The following MAGI2 variants were observed in gnomAD, a reference collection of about 807,000 sequenced individuals.
MAGI2 encodes membrane-associated guanylate kinase, WW and PDZ domain-containing protein 2.
In MAGI2, 35 loss-of-function variants were observed where a neutral mutation model predicts 133.3. The observed-to-expected ratio is 0.26, with a 90% CI of 0.20 to 0.35. The LOEUF is 0.35. Ranked by LOEUF, MAGI2 falls within the 10% of genes least tolerant of loss-of-function variation. The probability of loss-of-function intolerance (pLI) is 1.00; values close to 1 mark genes in which losing one functional copy is unlikely to be tolerated. For synonymous variants in MAGI2, 729 were observed against 710.6 expected (o/e 1.03, Z -0.41); for missense variants, 1,636 against 1,863.4 (o/e 0.88, Z 2.25).
At chr7:78,858,971 G>T (rs560663334) in intron 2 of MAGI2, among the ~76,000 whole-genome samples, 1 of 152,084 alleles carries the variant, frequency 6.6e-6, no homozygotes, top group Non-Finnish European at 1.5e-5. Flanking sequence ...TTGTTGAATT[G>T]ATCCCTTTAC....
At chr7:78,297,450 A>G (rs1260781988) in intron 9 of MAGI2, among the ~76,000 whole-genome samples, 1 of 151,824 alleles carries the variant, frequency 6.6e-6, no homozygotes, top group Non-Finnish European at 1.5e-5. Flanking sequence ...AACTGGAAAT[A>G]CCATTTGACC....
intron 2 of MAGI2, among the ~76,000 whole-genome samples, chr7:78,715,729 T>C (rs1406341587): frequency 1.3e-5 from 2 of 152,044 alleles, no homozygotes; most frequent in Non-Finnish European, 2.9e-5. Context: ...AATCTTTAGA[T>C]AATAAGAACA....
intron 2 of MAGI2, among the ~76,000 whole-genome samples, chr7:78,669,319 A>C (rs1441812484): frequency 1.3e-5 from 2 of 152,090 alleles, no homozygotes; most frequent in Non-Finnish European, 1.5e-5. Context: ...TAGAAAATCT[A>C]GAAGAAATGG....
intron 9 of MAGI2, chr7:78,285,657 G>C (rs1022623069): frequency 6.6e-6 from 1 of 152,136 alleles, no homozygotes; most frequent in African/African-American, 2.4e-5. Context: ...CTGCCTCTCT[G>C]TGCTCTAAGC....
chr7:79,159,843 C>G (rs893827859), intron 1 of MAGI2, among the ~76,000 whole-genome samples: 14 of 152,024 alleles, frequency 9.2e-5, no homozygotes, highest in Admixed American at 2.0e-4. Flanking sequence ...CTTTCAAAAA[C>G]AGGCAAATAA....
chr7:78,888,038 G>T (rs991079801), intron 2 of MAGI2, among the ~76,000 whole-genome samples: 2 of 152,176 alleles, frequency 1.3e-5, no homozygotes, highest in Admixed American at 6.5e-5. Flanking sequence ...CCCTAATACT[G>T]CACTTTTCCA....
chr7:78,844,757 T>C (rs1390564125), intron 2 of MAGI2, among the ~76,000 whole-genome samples: 2 of 151,770 alleles, frequency 1.3e-5, no homozygotes, highest in African/African-American at 4.8e-5. Context: ...ACTGCAAATA[T>C]AGTAAAACCC....
At chr7:79,134,991 G>T (rs1175036406) in intron 1 of MAGI2, among the ~76,000 whole-genome samples, 1 of 152,184 alleles carries the variant, frequency 6.6e-6, no homozygotes, top group East Asian at 1.9e-4. Context: ...TATGGGGTTG[G>T]CTGGGTAAGA....
rs10273862 is a variant in MAGI2 at position 78,716,281 on chromosome 7, A to G, written c.419-89042T>C. Among the ~76,000 whole-genome samples, 1,303 of 152,316 alleles carry G rather than the reference A, an allele frequency of 8.6e-3. 23 individuals are homozygous for G. Among genetic ancestry groups the G allele is most frequent in the African/African-American group, 0.03 (1,257 of 41,562 alleles). On this transcript the variant is annotated intron_variant, in intron 2 of 21. Coordinates refer to ENST00000354212, the MANE Select transcript of MAGI2 (RefSeq NM_012301.4). The stretch of plus-strand genomic sequence containing the variant: ...ACCCTTTCTTCCAGGAAAAGTTGAG[A>G]TGGCTTACTATTATAGTGTATGCAT...
At chr7:78,542,216 T>C (rs1310092428) in intron 3 of MAGI2, among the ~76,000 whole-genome samples, 1 of 152,146 alleles carries the variant, frequency 6.6e-6, no homozygotes, top group African/African-American at 2.4e-5. Flanking sequence ...GACACAAAAA[T>C]AGAAAGTAGA....
In MAGI2 at chr7:78,093,327, G is replaced by A. The variant is rs575625036; in HGVS notation, c.3568-14242C>T. ...GTAAAAAAAAATCATGGTGGCGCAC[G>A]CCTGTAATCCCAACTACTCTGGAGG... On this transcript the variant is annotated intron_variant, in intron 20 of 21. Coordinates refer to ENST00000354212, the MANE Select transcript of MAGI2 (RefSeq NM_012301.4). 3.3e-5 allele frequency among the ~76,000 whole-genome samples: 5 copies of A among 151,562 alleles called. No individual in the cohort carries two copies. In the East Asian group the frequency reaches 9.7e-4, roughly 29 times the overall value.
chr7:78,069,438 G>A (rs1814214144), intron 21 of MAGI2, among the ~76,000 whole-genome samples: 1 of 151,754 alleles, frequency 6.6e-6, no homozygotes, highest in Admixed American at 6.6e-5. Context: ...GTATTTAAAA[G>A]GCTGAATCAT....
At chr7:78,469,588 T>A (rs186321614) in intron 6 of MAGI2, among the ~76,000 whole-genome samples, 1 of 152,308 alleles carries the variant, frequency 6.6e-6, no homozygotes, top group Admixed American at 6.5e-5. Context: ...CACATGCAAA[T>A]TTGAAGACTT....
rs543216889 is a variant in MAGI2 at position 78,650,839 on chromosome 7, G to A, written c.419-23600C>T. On this transcript the variant is annotated intron_variant, in intron 2 of 21. Transcript: ENST00000354212. Reference sequence around the variant, plus strand: ...GCTGTAAGTAGTATTCTGTTTGAGGGGACATGATGTCCAGCTAACAAGAAC... The same window carrying A: ...GCTGTAAGTAGTATTCTGTTTGAGGAGACATGATGTCCAGCTAACAAGAAC... Among the ~76,000 whole-genome samples the A allele has an allele frequency of 2.6e-5, 4 of 152,188 alleles. No individual in the cohort carries two copies. The East Asian group carries it at 7.7e-4, about 29-fold the overall frequency.
chr7:78,518,216 G>C (rs1796201236), intron 4 of MAGI2: 1 of 152,118 alleles, frequency 6.6e-6, no homozygotes, highest in Admixed American at 6.6e-5. Flanking sequence ...GCAATATGAA[G>C]TTTTTGGTAA....
At chr7:79,235,027 C>G (rs1388879330) in intron 1 of MAGI2, among the ~76,000 whole-genome samples, 5 of 151,720 alleles carry the variant, frequency 3.3e-5, no homozygotes, top group African/African-American at 4.9e-5. Flanking sequence ...GTATCCTCAG[C>G]TGCAGGTCTG....
intron 1 of MAGI2, among the ~76,000 whole-genome samples, chr7:79,115,311 T>C (rs1819296106): frequency 6.6e-6 from 1 of 152,214 alleles, no homozygotes; most frequent in South Asian, 2.1e-4. Flanking sequence ...TCTAAAGTCA[T>C]ATTCACATTA....
Position 79,048,495 on chromosome 7 carries a change from A to G in MAGI2, c.302-41289T>C, listed in dbSNP as rs75796413. 3.2e-3 allele frequency among the ~76,000 whole-genome samples: 490 copies of G among 152,338 alleles called. 1 individual carries two copies. The highest frequency in any genetic ancestry group is 0.011 in the African/African-American group (466 of 41,576). On this transcript the variant is annotated intron_variant, in intron 1 of 21. Transcript: ENST00000354212. ...TTTTTACTACAAGTCTTACTGCTAA[A>G]ACATTTTTTAGTGTGTTTCAGCTGT... is the stretch of plus-strand genomic sequence containing the variant.
At chr7:78,822,659 T>A (rs1445960275) in intron 2 of MAGI2, among the ~76,000 whole-genome samples, 1 of 152,172 alleles carries the variant, frequency 6.6e-6, no homozygotes, top group Non-Finnish European at 1.5e-5. Flanking sequence ...AATGACAATA[T>A]AAGGGTAGGT....
Sources: gnomAD v4.1 joint callset for allele counts (sites outside exome capture counted in the v4.1 genomes callset) on GRCh38, gnomAD v4.1.1 for gene constraint, MANE v1.5 for transcripts, NCBI Gene and HGNC (gene_info 2026-07-23, HGNC 2026-07-21) for gene names.